RGS3: variants seen among roughly 807,000 people sequenced by gnomAD.
RGS3 encodes regulator of G-protein signalling 3.
A neutral mutation model predicts 132.6 loss-of-function variants in RGS3; 80 were observed. The ratio of observed to expected loss-of-function variants is 0.60; its 90% CI spans 0.50 to 0.73. The LOEUF is 0.73. Among genes scored for constraint, RGS3 ranks in the 30% least tolerant of loss-of-function variants. The pLI, the probability that RGS3 is intolerant of heterozygous loss-of-function variation, is 0.00. For missense variants in RGS3, 1,382 were observed against 1,530.8 expected (o/e 0.90, Z 1.62); for synonymous variants, 598 against 620.6 (o/e 0.96, Z 0.54).
chr9:113,546,683 T>C (rs953021476), intron 19 of RGS3, among the ~76,000 whole-genome samples: 1 of 152,234 alleles, frequency 6.6e-6, no homozygotes, highest in Non-Finnish European at 1.5e-5. Context: ...AGCATGGATC[T>C]GCACTTGGTT....
rs533643863 is a variant in RGS3, at chr9:113,538,236, G to T, written c.2037+1318G>T. The stretch of plus-strand genomic sequence containing the variant: ...AGCTGTGGGGAATGCATTGCCCCCT[G>T]CCCAGCCCCAGGTGGTTTGTTGCAG... On this transcript the variant is annotated intron_variant, in intron 19 of 24. Transcript: ENST00000350696. Among the ~76,000 whole-genome samples the T allele has an allele frequency of 8.5e-5, 13 of 152,322 alleles. No individual in the cohort carries two copies. In the East Asian group the frequency reaches 2.3e-3, roughly 27 times the overall value.
At chr9:113,541,657 G>A in intron 19 of RGS3, 1 of 1,164,694 alleles carries the variant, frequency 8.6e-7, no homozygotes, top group Non-Finnish European at 1.1e-6. Flanking sequence ...AGTCCCAAGA[G>A]GAGAGGACTC....
At position 113,591,211 on chromosome 9, in the gene RGS3, G is replaced by C. The variant is rs1047884036; in HGVS notation, c.3016-122G>C. The C allele has an allele frequency of 1.2e-6, 1 of 812,086 alleles. No homozygotes were observed. The highest frequency in any genetic ancestry group is 2.0e-6 in the Non-Finnish European group (1 of 492,972). 50.3% of individuals were successfully genotyped at this position (812,086 alleles called of 1,614,324 possible). A position where few individuals can be genotyped will look rare whatever the true frequency, so the allele number is the denominator to read the frequency against. The stretch of plus-strand genomic sequence containing the variant: ...TTTCCCTCCCTCACCTGTGTGCCGC[G>C]GGTGGGGGCTTTGGGGATGGAAGGG... On this transcript the variant is annotated intron_variant, in intron 20 of 24. Coordinates refer to ENST00000350696, the Ensembl canonical transcript of RGS3. The surrounding 1 kb of genome is among the most constrained non-coding windows in gnomAD (Gnocchi z 4.4).
At chr9:113,542,017 C>A in intron 19 of RGS3, 1 of 186,936 alleles carries the variant, frequency 5.3e-6, no homozygotes, top group Non-Finnish European at 1.0e-5. Context: ...AATACCAACA[C>A]ACACACGTGC....
chr9:113,594,866 A>C (rs1161501204), intron 22 of RGS3, 53 bp from the exon 21 acceptor site: 3 of 1,564,392 alleles, frequency 1.9e-6, no homozygotes, highest in Non-Finnish European at 2.6e-6. Context: ...AGCTTCCCCC[A>C]AGGTTCCCAA....
chr9:113,593,351 T>G (rs956987370), intron 21 of RGS3: 2 of 152,348 alleles, frequency 1.3e-5, no homozygotes, highest in Non-Finnish European at 2.9e-5. Context: ...CGTCTTTAGT[T>G]ATGTGATTTT....
At chr9:113,452,891 T>A (rs2119144551) in intron 1 of RGS3, among the ~76,000 whole-genome samples, 1 of 140,216 alleles carries the variant, frequency 7.1e-6, no homozygotes, top group Middle Eastern at 3.7e-3. Flanking sequence ...TTGGGTCTTT[T>A]TATATATATA....
chr9:113,491,013 C>T (rs189064188), intron 7 of RGS3, among the ~76,000 whole-genome samples: 7,127 of 128,662 alleles, frequency 0.055, 251 homozygotes, highest in South Asian at 0.1. Flanking sequence ...TTATATGTAA[C>T]GTAATTATTA....
chr9:113,489,086 A>G (rs1830427275), intron 7 of RGS3, among the ~76,000 whole-genome samples: 2 of 152,216 alleles, frequency 1.3e-5, no homozygotes, highest in African/African-American at 2.4e-5. Context: ...CATGATCCTA[A>G]GAGGTAGGAC....
At chr9:113,577,881 A>G (rs1834604384) in intron 19 of RGS3, among the ~76,000 whole-genome samples, 1 of 152,244 alleles carries the variant, frequency 6.6e-6, no homozygotes, top group Non-Finnish European at 1.5e-5. Flanking sequence ...GACTTGGTCA[A>G]TATCCCTCCT....
intron 1 of RGS3, among the ~76,000 whole-genome samples, chr9:113,451,286 A>G (rs893230107): frequency 2.6e-5 from 4 of 152,274 alleles, no homozygotes; most frequent in Admixed American, 2.0e-4. Context: ...GCTCCAGAAC[A>G]ACTAACTTAG....
intron 19 of RGS3, among the ~76,000 whole-genome samples, chr9:113,538,759 G>A (rs987930259): frequency 3.3e-5 from 5 of 152,180 alleles, no homozygotes; most frequent in Admixed American, 1.3e-4. Flanking sequence ...CTTCAAACGC[G>A]TGTTCCATGG....
intron 16 of RGS3, among the ~76,000 whole-genome samples, chr9:113,521,065 TGAGGA>T (rs1831930047): frequency 6.6e-6 from 1 of 152,126 alleles, no homozygotes; most frequent in Non-Finnish European, 1.5e-5. Flanking sequence ...TATTTATAAG[TGAGGA>T]TCCACTGAGC....
At chr9:113,459,239 G>A (rs998212105), upstream of RGS3, among the ~76,000 whole-genome samples, 1 of 152,080 alleles carries the variant, frequency 6.6e-6, no homozygotes, top group African/African-American at 2.4e-5. Flanking sequence ...TCTGTTTCTT[G>A]AAGATCTTAT....
At chr9:113,561,758 A>G (rs1833800735) in intron 19 of RGS3, among the ~76,000 whole-genome samples, 1 of 152,040 alleles carries the variant, frequency 6.6e-6, no homozygotes, top group African/African-American at 2.4e-5. Flanking sequence ...CACGCAATGG[A>G]AGCAGTAAAG....
intron 20 of RGS3, among the ~76,000 whole-genome samples, chr9:113,587,852 T>C (rs549209521): frequency 6.6e-6 from 1 of 152,250 alleles, no homozygotes; most frequent in East Asian, 1.9e-4. Context: ...GGCCATCCCC[T>C]GGGTGTGGCG....
At chr9:113,445,408 AG>A (rs1347093033) in intron 1 of RGS3, among the ~76,000 whole-genome samples, 4 of 152,074 alleles carry the variant, frequency 2.6e-5, no homozygotes, top group Admixed American at 2.6e-4. Flanking sequence ...CATGTTGGTC[AG>A]GCTTGTCTCG....
At chr9:113,454,773 G>A (rs950454000) in intron 1 of RGS3, among the ~76,000 whole-genome samples, 3 of 148,526 alleles carry the variant, frequency 2.0e-5, no homozygotes, top group Non-Finnish European at 3.0e-5. Context: ...ACCCTTCTGA[G>A]TATTCTATCT....
intron 18 of RGS3, among the ~76,000 whole-genome samples, chr9:113,532,159 G>T (rs1832496492): frequency 6.6e-6 from 1 of 152,184 alleles, no homozygotes; most frequent in South Asian, 2.1e-4. Flanking sequence ...AGCCTTCAGG[G>T]TGGCTTATGG....
Sources: gnomAD v4.1 joint callset for allele counts (sites outside exome capture counted in the v4.1 genomes callset) on GRCh38, gnomAD v4.1.1 for gene constraint, Gnocchi (gnomAD v3.1) non-coding constraint, MANE v1.5 for transcripts, NCBI Gene and HGNC (gene_info 2026-07-23, HGNC 2026-07-21) for gene names.